The following MED12L variants were observed in gnomAD, a reference collection of about 807,000 sequenced individuals.
The protein encoded by MED12L is mediator of RNA polymerase II transcription subunit 12-like protein.
In MED12L, 60 loss-of-function variants were observed where a neutral mutation model predicts 281.3. The ratio of observed to expected loss-of-function variants is 0.21; its 90% CI spans 0.17 to 0.26. MED12L has a LOEUF of 0.26. MED12L is among the 10% of genes least tolerant of loss of function. The pLI, the probability that MED12L is intolerant of heterozygous loss-of-function variation, is 1.00. For missense variants in MED12L, 2,146 were observed against 2,680.9 expected, an observed-to-expected ratio of 0.80 and a Z score of 4.41; for synonymous variants, 974 against 987.2, an observed-to-expected ratio of 0.99 and a Z score of 0.25.
rs1711999258 is a variant in MED12L at position 151,380,175 on chromosome 3, A to G, written c.4541A>G (p.Asp1514Gly). Reference protein sequence around the residue: ...SLVLTCLKGQDEQREGLLTSL... With the variant: ...SLVLTCLKGQGEQREGLLTSL... The stretch of plus-strand genomic sequence containing the variant: ...GTACTTACCTGCCTTAAGGGACAAG[A>G]TGAACAAAGGGAAGGCCTCCTAACA... Residue 1514 changes from aspartate to glycine, a missense_variant, in exon 32 of 45, where the codon GAT (aspartate) becomes GGT (glycine). Transcript: ENST00000687756. The G allele has an allele frequency of 6.2e-7, 1 of 1,611,010 alleles. No homozygotes were observed. Among genetic ancestry groups the G allele is most frequent in the Non-Finnish European group, 8.5e-7 (1 of 1,179,000 alleles).
chr3:151,196,481 T>C (rs1724678082), intron 16 of MED12L, among the ~76,000 whole-genome samples: 1 of 152,194 alleles, frequency 6.6e-6, no homozygotes, highest in African/African-American at 2.4e-5. Context: ...TATGGGGCCC[T>C]ACTAAATGAA....
Position 151,387,969 on chromosome 3 carries a change from C to T in MED12L, c.5248C>T (p.His1750Tyr), listed in dbSNP as rs755008708. The T allele has an allele frequency of 6.2e-7, 1 of 1,614,050 alleles. No homozygotes were observed. Among genetic ancestry groups the T allele is most frequent in the Non-Finnish European group, 8.5e-7 (1 of 1,179,996 alleles). ...GCATCACCTCCTGCTGTATCACACA[C>T]ACCCCATGCCCAAGCCCCGCAGTTA... ...EQHHLLLYHT[H>Y]PMPKPRSYYL... The change falls in exon 37 of 45, where the codon CAC becomes TAC. Residue 1750 changes from histidine (H) to tyrosine (Y), a missense_variant. Physicochemically the swap from His to Tyr is moderately conservative, Grantham distance 83. Transcript: ENST00000687756.
chr3:151,105,381 C>T (rs1037415666), intron 2 of MED12L, among the ~76,000 whole-genome samples: 4 of 152,160 alleles, frequency 2.6e-5, no homozygotes, highest in African/African-American at 9.7e-5. Context: ...TCACTGTCTT[C>T]CTCACCTCCC....
At position 151,145,368 on chromosome 3, in the gene MED12L, C is replaced by T. The variant is rs181946381; in HGVS notation, c.557-10793C>T. Reference sequence around the variant, plus strand: ...CTAGGTACTTCTGTAGTCATGAACACATTCTTTAAGGCATTGCATCCCACA... The same window carrying T: ...CTAGGTACTTCTGTAGTCATGAACATATTCTTTAAGGCATTGCATCCCACA... On this transcript the variant is annotated intron_variant, in intron 5 of 44. Transcript: ENST00000687756. Among the ~76,000 whole-genome samples, 76 of 152,006 alleles carry T rather than the reference C, an allele frequency of 5.0e-4. 1 individual carries two copies. The highest frequency in any genetic ancestry group is 1.7e-3 in the African/African-American group (72 of 41,242).
intron 16 of MED12L, among the ~76,000 whole-genome samples, chr3:151,206,981 A>T (rs918060943): frequency 1.3e-5 from 2 of 151,794 alleles, no homozygotes; most frequent in Non-Finnish European, 2.9e-5. Context: ...ACACATTTTT[A>T]AAACTTTTTA....
chr3:151,318,616 T>G (rs993829273), intron 16 of MED12L, among the ~76,000 whole-genome samples: 2 of 152,204 alleles, frequency 1.3e-5, no homozygotes, highest in African/African-American at 4.8e-5. Context: ...CAAAGAACTT[T>G]GCTGCAAGTA....
At chr3:151,269,032 G>A (rs190815293) in intron 16 of MED12L, among the ~76,000 whole-genome samples, 10 of 152,282 alleles carry the variant, frequency 6.6e-5, no homozygotes, top group East Asian at 5.8e-4. Flanking sequence ...CTCTGAGACC[G>A]GAGGAGACAT....
intron 16 of MED12L, among the ~76,000 whole-genome samples, chr3:151,312,677 C>T (rs1747708999): frequency 6.6e-6 from 1 of 152,140 alleles, no homozygotes; most frequent in South Asian, 2.1e-4. Flanking sequence ...CTACATACAA[C>T]AACAGTAAAA....
chr3:151,284,099 C>T (rs1359443885), intron 16 of MED12L, among the ~76,000 whole-genome samples: 1 of 152,180 alleles, frequency 6.6e-6, no homozygotes, highest in Non-Finnish European at 1.5e-5. Context: ...TCGTTTTTGT[C>T]AGATAAACTT....
At chr3:151,219,045 ATAAT>A (rs1445485990) in intron 16 of MED12L, among the ~76,000 whole-genome samples, 2 of 152,186 alleles carry the variant, frequency 1.3e-5, no homozygotes, top group Non-Finnish European at 2.9e-5. Context: ...CTTTGGTAAC[ATAAT>A]TAAAGAACAT....
At chr3:151,233,218 C>T (rs1050309760) in intron 16 of MED12L, among the ~76,000 whole-genome samples, 3 of 152,212 alleles carry the variant, frequency 2.0e-5, no homozygotes, top group Non-Finnish European at 4.4e-5. Context: ...GGGTAGCACT[C>T]TCGTGCCCTC....
intron 16 of MED12L, among the ~76,000 whole-genome samples, chr3:151,318,543 A>G (rs1748587436): frequency 6.6e-6 from 1 of 152,188 alleles, no homozygotes; most frequent in African/African-American, 2.4e-5. Flanking sequence ...CTAACTGTTA[A>G]GTACTAAAGG....
chr3:151,185,404 C>T lies in MED12L; in HGVS notation c.1569C>T (p.His523=), dbSNP rs762325716. 2 of 1,613,954 alleles carry T rather than the reference C, an allele frequency of 1.2e-6. No individual in the cohort carries two copies. Among genetic ancestry groups the T allele is most frequent in the East Asian group, 4.5e-5 (2 of 44,842 alleles). Residue 523 remains histidine, a synonymous_variant, in exon 12 of 45, where the codon CAC becomes CAT. Coordinates refer to ENST00000687756, the MANE Select transcript of MED12L (RefSeq NM_001393769.1). ...TGAGCTGCAAACGGTCTGGCAAGCA[C>T]AGGGCCATGGCTGTGGCAAAACTCC... is the stretch of plus-strand genomic sequence containing the variant. ...WAVSCKRSGK[H]RAMAVAKLLE... is the part of the protein sequence containing the mutation.
intron 16 of MED12L, chr3:151,329,643 C>G: frequency 1.6e-6 from 1 of 624,658 alleles, no homozygotes; most frequent in Non-Finnish European, 2.7e-6. Context: ...ATATTTAGAC[C>G]TTTGGGACAT....
intron 5 of MED12L, among the ~76,000 whole-genome samples, chr3:151,137,160 C>CAA (rs1177617265): frequency 5.3e-5 from 3 of 57,018 alleles, no homozygotes; most frequent in African/African-American, 1.4e-4. Flanking sequence ...GACTCCGTCT[C>CAA]AAAAAAAAAA....
At chr3:151,261,767 C>G (rs1223816230) in intron 16 of MED12L, among the ~76,000 whole-genome samples, 1 of 152,048 alleles carries the variant, frequency 6.6e-6, no homozygotes, top group Non-Finnish European at 1.5e-5. Context: ...CTGTGTCATC[C>G]AGGCCACAGT....
intron 5 of MED12L, among the ~76,000 whole-genome samples, chr3:151,144,431 G>A (rs1286527435): frequency 6.6e-6 from 1 of 152,114 alleles, no homozygotes. Flanking sequence ...AGATGCAGTC[G>A]GGAGTTTCCA....
At chr3:151,169,037 T>C (rs1721061155) in intron 11 of MED12L, among the ~76,000 whole-genome samples, 1 of 152,072 alleles carries the variant, frequency 6.6e-6, no homozygotes, top group Non-Finnish European at 1.5e-5. Flanking sequence ...TCAAGGTATA[T>C]ATGTATATGT....
At chr3:151,365,511 G>A (rs978730804) in intron 22 of MED12L, among the ~76,000 whole-genome samples, 13 of 151,978 alleles carry the variant, frequency 8.6e-5, no homozygotes, top group African/African-American at 2.2e-4. Context: ...GAAAAAAACC[G>A]TATTTGGGTC....
Sources: allele counts gnomAD v4.1 joint callset (sites outside exome capture counted in the v4.1 genomes callset), GRCh38; gene constraint gnomAD v4.1.1; transcripts MANE v1.5; gene names NCBI Gene and HGNC (gene_info 2026-07-23, HGNC 2026-07-21).